MGST1: variants seen among roughly 807,000 people sequenced by gnomAD.
MGST1 encodes glutathione S-transferase 12.
A neutral mutation model predicts 8.9 loss-of-function variants in MGST1; 5 were observed. The ratio of observed to expected loss-of-function variants is 0.56; its 90% confidence interval spans 0.29 to 1.19. MGST1 has a LOEUF of 1.19. Among genes scored for constraint, MGST1 ranks in the 50% most tolerant of loss-of-function variants. The pLI, the probability that MGST1 is intolerant of heterozygous loss-of-function variation, is 0.08. For synonymous variants in MGST1, 54 were observed against 67.8 expected (o/e 0.80, Z 1.00); for missense variants, 182 against 187.4 (o/e 0.97, Z 0.17).
chr12:16,356,897 A>G (rs1939739398), intron 2 of MGST1, among the ~76,000 whole-genome samples: 1 of 152,210 alleles, frequency 6.6e-6, no homozygotes. Flanking sequence ...AGGTAAACAT[A>G]TTACTTTCAG....
chr12:16,368,467 C>T (rs1051733807), downstream of MGST1, among the ~76,000 whole-genome samples: 3 of 152,164 alleles, frequency 2.0e-5, no homozygotes, highest in Non-Finnish European at 4.4e-5. Flanking sequence ...TCCCCGCTGC[C>T]AGCCTGAAAT....
chr12:16,511,728 C>G (rs1941578584), intron 4 of MGST1, among the ~76,000 whole-genome samples: 1 of 152,100 alleles, frequency 6.6e-6, no homozygotes, highest in Admixed American at 6.6e-5. Flanking sequence ...ATGCCCTTCC[C>G]ACCAGTACCA....
downstream of MGST1, among the ~76,000 whole-genome samples, chr12:16,439,034 C>T (rs567602036): frequency 4.0e-5 from 6 of 150,868 alleles, no homozygotes; most frequent in South Asian, 1.3e-3. Context: ...TCTGACAACA[C>T]AGAATATTTT....
chr12:16,361,043 A>G lies in MGST1; in HGVS notation c.222-2752A>G, dbSNP rs1449010239. Among the ~76,000 whole-genome samples the G allele has an allele frequency of 7.2e-6, 1 of 138,700 alleles. No individual in the cohort carries two copies. The highest frequency in any genetic ancestry group is 1.5e-5 in the Non-Finnish European group (1 of 65,638). The allele number at this position is 138,700 out of a possible 152,430, so 91.0% of individuals were successfully genotyped here. A position where few individuals can be genotyped will look rare whatever the true frequency, so the allele number is the denominator to read the frequency against. ...AGGAATGGGAGAATGATATGAAGCC[A>G]TGTTCCATTAGTTCCATGGAATATT... On this transcript the variant is annotated intron_variant, in intron 3 of 3. Transcript: ENST00000396210. This position sits in a 1 kb window ranked among gnomAD's most constrained non-coding sequence, Gnocchi z 4.2.
chr12:16,478,132 T>A (rs1455104538), intron 4 of MGST1, among the ~76,000 whole-genome samples: 1 of 152,164 alleles, frequency 6.6e-6, no homozygotes, highest in East Asian at 1.9e-4. Flanking sequence ...TAAGTTCAAG[T>A]AATTCTTCTG....
intron 4 of MGST1, among the ~76,000 whole-genome samples, chr12:16,489,445 C>T (rs1001900369): frequency 6.6e-6 from 1 of 152,034 alleles, no homozygotes; most frequent in African/African-American, 2.4e-5. Context: ...AATGGGATAT[C>T]TGGGTTGCCT....
intron 1 of MGST1, chr12:16,400,452 A>G (rs1275761383): frequency 1.0e-5 from 8 of 801,776 alleles, no homozygotes; most frequent in Non-Finnish European, 1.6e-5. Context: ...TCAGTTTGGA[A>G]TTACTCCAGT....
At chr12:16,525,451 T>C (rs1301705846) in intron 4 of MGST1, among the ~76,000 whole-genome samples, 1 of 151,718 alleles carries the variant, frequency 6.6e-6, no homozygotes, top group Non-Finnish European at 1.5e-5. Context: ...GTTTCATCCA[T>C]GTCCCTACAA....
In MGST1 at chr12:16,529,376, C is replaced by A. The variant is rs75636755; in HGVS notation, n.483-60152C>A. 2.2e-4 allele frequency among the ~76,000 whole-genome samples: 33 copies of A among 152,050 alleles called. 1 individual carries two copies. Among genetic ancestry groups the A allele is most frequent in the Non-Finnish European group, 8.8e-5 (6 of 67,968 alleles). On this transcript the variant is annotated intron_variant and non_coding_transcript_variant, in intron 4 of 4. Coordinates refer to the MGST1 transcript ENST00000538857. ...ATTATTGACTTATTTTGTGCCTTCT[C>A]TTTAATCACACGTCAAGATTTAGTG...
intron 4 of MGST1, among the ~76,000 whole-genome samples, chr12:16,519,011 T>C (rs898209158): frequency 3.3e-5 from 5 of 152,208 alleles, no homozygotes; most frequent in African/African-American, 4.8e-5. Context: ...CTAATTATAA[T>C]GTCACTCCGT....
chr12:16,405,538 G>A (rs758608664), intron 1 of MGST1, among the ~76,000 whole-genome samples: 3 of 152,038 alleles, frequency 2.0e-5, no homozygotes, highest in Non-Finnish European at 2.9e-5. Context: ...AAATTGAGGA[G>A]GAGGGACTCC....
At chr12:16,554,602 C>A (rs542593228) in intron 4 of MGST1, among the ~76,000 whole-genome samples, 1 of 152,282 alleles carries the variant, frequency 6.6e-6, no homozygotes, top group African/African-American at 2.4e-5. Flanking sequence ...TACCCACACC[C>A]CAAATCTTGC....
intron 1 of MGST1, chr12:16,400,140 G>C: frequency 6.9e-7 from 1 of 1,449,372 alleles, no homozygotes; most frequent in Non-Finnish European, 9.7e-7. Context: ...GCTCAGCATA[G>C]AGGTCATCTC....
intron 4 of MGST1, among the ~76,000 whole-genome samples, chr12:16,450,831 A>G (rs969331998): frequency 1.7e-5 from 2 of 120,936 alleles, no homozygotes; most frequent in African/African-American, 6.2e-5. Context: ...TTTCAAATAT[A>G]TATATTCCGT....
At position 16,410,045 on chromosome 12, in the gene MGST1, G is replaced by A. The variant is rs996033504; in HGVS notation, n.778+26441G>A. On this transcript the variant is annotated intron_variant and non_coding_transcript_variant, in intron 1 of 1. Coordinates refer to the MGST1 transcript ENST00000359720. The surrounding 1 kb of genome is among the most constrained non-coding windows in gnomAD (Gnocchi z 4.4). ...TTTTCTTGTATCCTGGGAAGTGAGT[G>A]GGGTAGTGTAGCGCAGATTTAACTC... Among the ~76,000 whole-genome samples the A allele has an allele frequency of 9.9e-5, 15 of 152,228 alleles. No individual in the cohort carries two copies. Among genetic ancestry groups the A allele is most frequent in the Admixed American group, 5.2e-4 (8 of 15,284 alleles).
At chr12:16,378,863 A>G (rs1302639083), downstream of MGST1, among the ~76,000 whole-genome samples, 2 of 151,922 alleles carry the variant, frequency 1.3e-5, no homozygotes, top group Non-Finnish European at 2.9e-5. Flanking sequence ...GGTCCTTCAC[A>G]TCCCTTGTAA....
chr12:16,577,352 G>T (rs76562116), intron 4 of MGST1, among the ~76,000 whole-genome samples: 3 of 151,942 alleles, frequency 2.0e-5, no homozygotes, highest in African/African-American at 7.3e-5. Context: ...TTCCATGAAG[G>T]CCTCCTAAAT....
At chr12:16,515,075 T>A (rs1279834902) in intron 4 of MGST1, among the ~76,000 whole-genome samples, 2 of 152,200 alleles carry the variant, frequency 1.3e-5, no homozygotes, top group Non-Finnish European at 2.9e-5. Context: ...AAGACCTAGT[T>A]CTGTCATGAA....
At chr12:16,510,019 TAA>T (rs2137177920) in intron 4 of MGST1, among the ~76,000 whole-genome samples, 1 of 152,316 alleles carries the variant, frequency 6.6e-6, no homozygotes, top group Admixed American at 6.5e-5. Context: ...GTATTCTATG[TAA>T]AAGAGTTAAA....
Sources: allele counts gnomAD v4.1 joint callset (sites outside exome capture counted in the v4.1 genomes callset), GRCh38; gene constraint gnomAD v4.1.1; non-coding constraint Gnocchi (gnomAD v3.1); transcripts MANE v1.5; gene names NCBI Gene and HGNC (gene_info 2026-07-23, HGNC 2026-07-21).